The following ADAM22 variants were observed in gnomAD, a reference collection of about 807,000 sequenced individuals.
ADAM22 encodes the protein ADAM metallopeptidase domain 22, also known as disintegrin and metalloproteinase domain-containing protein 22.
In ADAM22, 65 loss-of-function variants were observed where a neutral mutation model predicts 144.6. The observed-to-expected ratio is 0.45, with a 90% CI of 0.37 to 0.55. ADAM22 has a LOEUF of 0.55. Ranked by LOEUF, ADAM22 falls within the 20% of genes least tolerant of loss-of-function variation. The pLI is 0.00. For synonymous variants in ADAM22, 391 were observed against 412.6 expected, an observed-to-expected ratio of 0.95 and a Z score of 0.63; for missense variants, 974 against 1,184.9, an observed-to-expected ratio of 0.82 and a Z score of 2.61.
At chr7:87,938,629 CA>C (rs1414655279) in intron 2 of ADAM22, among the ~76,000 whole-genome samples, 2 of 151,868 alleles carry the variant, frequency 1.3e-5, no homozygotes, top group African/African-American at 4.8e-5. Flanking sequence ...CTTTAAAAGG[CA>C]TTTATTTATT....
intron 3 of ADAM22, among the ~76,000 whole-genome samples, chr7:88,071,458 A>C (rs185028782): frequency 2.8e-4 from 41 of 148,642 alleles, no homozygotes; most frequent in African/African-American, 9.3e-4. Flanking sequence ...GATCAAGATT[A>C]AGCAGCTTGG....
chr7:87,953,024 C>T (rs1453066938), intron 2 of ADAM22, among the ~76,000 whole-genome samples: 1 of 151,712 alleles, frequency 6.6e-6, no homozygotes, highest in African/African-American at 2.4e-5. Context: ...CTATTTGATT[C>T]ATCTCTTTTT....
At chr7:87,955,084 C>G (rs1433314170) in intron 2 of ADAM22, among the ~76,000 whole-genome samples, 5 of 152,174 alleles carry the variant, frequency 3.3e-5, no homozygotes, top group Non-Finnish European at 7.3e-5. Context: ...ATTTGAATTT[C>G]CTCCTATAGC....
intron 4 of ADAM22, among the ~76,000 whole-genome samples, chr7:88,102,735 A>G (rs1295525556): frequency 6.6e-6 from 1 of 152,120 alleles, no homozygotes; most frequent in African/African-American, 2.4e-5. Flanking sequence ...TATTCTTAAC[A>G]AAGTTTGAGA....
At chr7:88,076,778 T>A (rs1814642574) in intron 4 of ADAM22, among the ~76,000 whole-genome samples, 1 of 152,156 alleles carries the variant, frequency 6.6e-6, no homozygotes, top group South Asian at 2.1e-4. Context: ...TTCTGCTCAG[T>A]GTTTAGTATA....
rs35764191 is a variant in ADAM22 at position 88,139,418 on chromosome 7, CTAAATAAATAAATAAA to C, written c.1220+3412_1220+3427del. 4.0e-3 allele frequency among the ~76,000 whole-genome samples: 590 copies of C among 146,260 alleles called. 4 individuals are homozygous for C. The highest frequency in any genetic ancestry group is 0.014 in the African/African-American group (555 of 39,226). On this transcript the variant is annotated intron_variant, in intron 14 of 31. Transcript: ENST00000413139. ...GGGTGACAAGAGTGAGACTCCATCT[CTAAATAAATAAATAAA>C]TAAATAAATAAATAAATAAATAAAA... is the stretch of plus-strand genomic sequence containing the variant.
chr7:88,181,583 A>T lies in ADAM22; in HGVS notation c.2574A>T (p.Arg858=), dbSNP rs376309516. The T allele has an allele frequency of 2.0e-5, 33 of 1,613,744 alleles. No homozygotes were observed. The highest frequency in any genetic ancestry group is 2.7e-5 in the Non-Finnish European group (32 of 1,179,744). Residue 858 remains arginine (R), a synonymous_variant, in exon 28 of 32, where the codon CGA becomes CGT. Transcript: ENST00000413139. ...KHISDICENG[R]PRSNSWQGNL... ...TTTCAGACATCTGTGAAAATGGGCGACCTCGAAGTAACTCTTGGCAAGGTA... is the reference window on the plus strand; with the variant it reads ...TTTCAGACATCTGTGAAAATGGGCGTCCTCGAAGTAACTCTTGGCAAGGTA...
At chr7:88,193,291 CTA>C (rs769108740) in intron 31 of ADAM22, 52 bp downstream of exon 31, 1 of 1,574,240 alleles carries the variant, frequency 6.4e-7, no homozygotes, top group Non-Finnish European at 8.6e-7. Context: ...TATCATTTAT[CTA>C]TGAGTTTATA....
chr7:88,039,378 G>T (rs565580458), intron 3 of ADAM22, among the ~76,000 whole-genome samples: 2 of 146,146 alleles, frequency 1.4e-5, no homozygotes, highest in East Asian at 4.1e-4. Flanking sequence ...GGAGGCGGCG[G>T]TTGCAGTGAG....
At chr7:87,960,862 C>T (rs2129445186) in intron 2 of ADAM22, among the ~76,000 whole-genome samples, 1 of 152,272 alleles carries the variant, frequency 6.6e-6, no homozygotes, top group East Asian at 1.9e-4. Context: ...AACTGACATC[C>T]TTTTAACTCA....
intron 2 of ADAM22, among the ~76,000 whole-genome samples, chr7:87,944,891 C>A (rs140817711): frequency 9.8e-6 from 1 of 102,408 alleles, no homozygotes. Flanking sequence ...TATTCGGTTC[C>A]TCCTCCTTCC....
chr7:88,171,445 GA>G (rs1844286359), intron 25 of ADAM22, 98 bp from the exon 26 acceptor site: 1 of 1,106,016 alleles, frequency 9.0e-7, no homozygotes, highest in Non-Finnish European at 1.3e-6. Context: ...ACTTTTCAAT[GA>G]AAGCTAGAGC....
At chr7:88,051,732 C>T (rs1205049178) in intron 3 of ADAM22, among the ~76,000 whole-genome samples, 1 of 151,678 alleles carries the variant, frequency 6.6e-6, no homozygotes, top group Non-Finnish European at 1.5e-5. Context: ...TGTGGTTTTT[C>T]AGTAGTCCAT....
intron 21 of ADAM22, among the ~76,000 whole-genome samples, chr7:88,154,418 T>C (rs1432715221): frequency 6.6e-6 from 1 of 152,142 alleles, no homozygotes; most frequent in Non-Finnish European, 1.5e-5. Flanking sequence ...AAGCACCCTT[T>C]AACTCATACC....
chr7:87,972,467 A>G (rs1850699376), intron 2 of ADAM22, among the ~76,000 whole-genome samples: 1 of 152,086 alleles, frequency 6.6e-6, no homozygotes, highest in Non-Finnish European at 1.5e-5. Context: ...TTCCATGCTC[A>G]TGGGTAGGAA....
chr7:88,085,100 G>T (rs559002965), intron 4 of ADAM22, among the ~76,000 whole-genome samples: 1 of 152,296 alleles, frequency 6.6e-6, no homozygotes, highest in South Asian at 2.1e-4. Flanking sequence ...GGTATTAGGG[G>T]TTAGGACTTT....
At chr7:87,980,287 CTT>C (rs71120015) in intron 3 of ADAM22, among the ~76,000 whole-genome samples, 20,269 of 118,548 alleles carry the variant, frequency 0.17, 2,062 homozygotes, top group Admixed American at 0.28. Context: ...GCACTGTGCT[CTT>C]TTTTTTTTTT....
intron 23 of ADAM22, 72 bp from the exon 24 acceptor site, chr7:88,165,760 A>C: frequency 1.9e-6 from 2 of 1,030,434 alleles, no homozygotes; most frequent in Non-Finnish European, 2.9e-6. Context: ...TAATAATAAG[A>C]AATTAGTGTT....
Position 88,132,907 on chromosome 7 carries a change from A to G in ADAM22, c.1033A>G (p.Ile345Val), listed in dbSNP as rs1476406037. 3 of 1,613,856 alleles carry G rather than the reference A, an allele frequency of 1.9e-6. No individual in the cohort carries two copies. Among genetic ancestry groups the G allele is most frequent in the Non-Finnish European group, 1.7e-6 (2 of 1,179,926 alleles). Residue 345 changes from isoleucine (I) to valine (V), a missense_variant, in exon 12 of 32, where the codon ATT (isoleucine) becomes GTT (valine). Around this residue, in one of 2 missense-constraint regions of ADAM22, gnomAD observed 734 missense variants for 950.6 expected, o/e 0.77. Coordinates refer to ENST00000413139, the MANE Select transcript of ADAM22 (RefSeq NM_001324418.2). ...FESSRSGAAY[I>V]GGICSLLKGG... ...GAGTAGCCGGAGCGGGGCAGCTTAT[A>G]TTGGTGGGATTTGCTCGTTGCTGAA...
Sources: gnomAD v4.1 joint callset for allele counts (sites outside exome capture counted in the v4.1 genomes callset) on GRCh38, gnomAD v4.1.1 for gene constraint, gnomAD v4.1.1 regional missense constraint, MANE v1.5 for transcripts, NCBI Gene and HGNC (gene_info 2026-07-23, HGNC 2026-07-21) for gene names.